Variants in RBL2 observed in about 807,000 individuals in gnomAD.
RBL2 encodes RB transcriptional corepressor like 2, also known as retinoblastoma-like protein 2.
A neutral mutation model predicts 126.0 loss-of-function variants in RBL2; 56 were observed. The observed-to-expected ratio is 0.44, with a 90% CI of 0.36 to 0.56. The LOEUF (loss-of-function observed/expected upper bound fraction) is 0.56. Ranked by LOEUF, RBL2 falls within the 20% of genes least tolerant of loss-of-function variation. The pLI, the probability that RBL2 is intolerant of heterozygous loss-of-function variation, is 0.00. For missense variants in RBL2, 1,229 were observed against 1,398.2 expected, an observed-to-expected ratio of 0.88 and a Z score of 1.93; for synonymous variants, 454 against 478.5, an observed-to-expected ratio of 0.95 and a Z score of 0.67.
chr16:53,481,031 C>T, intron 20 of RBL2: 6 of 296,916 alleles, frequency 2.0e-5, no homozygotes, highest in Non-Finnish European at 3.8e-5. Context: ...TGGTGGCACA[C>T]ACTTGTAATC....
intron 21 of RBL2, among the ~76,000 whole-genome samples, chr16:53,482,404 A>G (rs1271429165): frequency 6.6e-6 from 1 of 152,200 alleles, no homozygotes; most frequent in African/African-American, 2.4e-5. Flanking sequence ...GGGGAAGAAA[A>G]CAGTGTCCTT....
At chr16:53,452,113 A>G (rs2058121545) in intron 5 of RBL2, among the ~76,000 whole-genome samples, 1 of 152,232 alleles carries the variant, frequency 6.6e-6, no homozygotes, top group Admixed American at 6.5e-5. Context: ...CGAAGATGAC[A>G]TTAAAGCCGA....
chr16:53,483,927 A>T (rs368549371), intron 21 of RBL2, among the ~76,000 whole-genome samples: 4 of 14,764 alleles, frequency 2.7e-4, no homozygotes, highest in African/African-American at 6.7e-4. Flanking sequence ...CTATCATAGT[A>T]AAAAAAAAAA....
At chr16:53,451,867 C>T (rs751787000) in intron 5 of RBL2, 36 bp downstream of exon 5, 19 of 1,606,740 alleles carry the variant, frequency 1.2e-5, no homozygotes, top group African/African-American at 2.7e-5. Flanking sequence ...GGGCAATCTG[C>T]GTTTCTGTGT....
At chr16:53,473,148 T>C (rs1422041315) in intron 17 of RBL2, among the ~76,000 whole-genome samples, 1 of 151,746 alleles carries the variant, frequency 6.6e-6, no homozygotes, top group Non-Finnish European at 1.5e-5. Flanking sequence ...GTGCTCCTAC[T>C]TTTTTTTTCT....
chr16:53,453,211 C>T (rs1010484972), intron 5 of RBL2, among the ~76,000 whole-genome samples: 18 of 152,130 alleles, frequency 1.2e-4, no homozygotes, highest in African/African-American at 3.4e-4. Context: ...TTTTAAGTTT[C>T]CCTTAACCAT....
chr16:53,470,848 A>C lies in RBL2; in HGVS notation c.2629A>C (p.Ile877Leu), dbSNP rs1473780946. The C allele has an allele frequency of 8.1e-6, 13 of 1,614,028 alleles. No homozygotes were observed. The highest frequency in any genetic ancestry group is 1.0e-5 in the Non-Finnish European group (12 of 1,180,016). The change falls in exon 17 of 22, where the codon ATT becomes CTT. Residue 877 changes from isoleucine (I) to leucine (L), a missense_variant. Around this residue, in one of 2 missense-constraint regions of RBL2, gnomAD observed 1,070 missense variants for 1,274.3 expected, o/e 0.84. Coordinates refer to ENST00000262133, the MANE Select transcript of RBL2 (RefSeq NM_005611.4). ...KIWTCFEFSI[I>L]QCPELMMDRH... ...CTGGACCTGCTTTGAATTCTCCATAATTCAGTGTCCTGAACTTATGATGGA... is the reference window on the plus strand; with the variant it reads ...CTGGACCTGCTTTGAATTCTCCATACTTCAGTGTCCTGAACTTATGATGGA...
In RBL2 at chr16:53,447,141, T is replaced by C. The variant is rs964827383; in HGVS notation, c.637+35T>C. ...TAGTAATATTTATTTAGATTTAATATGTCTATTTACATTTTCAGGTATTAA... is the reference window on the plus strand; with the variant it reads ...TAGTAATATTTATTTAGATTTAATACGTCTATTTACATTTTCAGGTATTAA... On this transcript the variant is annotated intron_variant, in intron 4 of 21. Coordinates refer to ENST00000262133, the MANE Select transcript of RBL2 (RefSeq NM_005611.4). 4 of 1,131,770 alleles carry C rather than the reference T, an allele frequency of 3.5e-6. 1 individual carries two copies. Among genetic ancestry groups the C allele is most frequent in the Middle Eastern group, 5.5e-4 (2 of 3,614 alleles). The allele number at this position is 1,131,770 out of a possible 1,614,324, so 70.1% of individuals were successfully genotyped here.
intron 2 of RBL2, among the ~76,000 whole-genome samples, chr16:53,441,809 C>T (rs1435037790): frequency 6.6e-6 from 1 of 151,812 alleles, no homozygotes; most frequent in Non-Finnish European, 1.5e-5. Flanking sequence ...GTAATTTTGA[C>T]TGTTTCTTTT....
Position 53,484,443 on chromosome 16 carries a change from T to C in RBL2, c.3249+2608T>C, listed in dbSNP as rs185182190. On this transcript the variant is annotated intron_variant, in intron 21 of 21. Coordinates refer to ENST00000262133, the MANE Select transcript of RBL2 (RefSeq NM_005611.4). ...AAAAGCAGGACCAAACTATATGTTG[T>C]TTGTAAGTTATATACTTTAAATATA... Among the ~76,000 whole-genome samples the C allele has an allele frequency of 3.3e-5, 5 of 152,334 alleles. No individual in the cohort carries two copies. The East Asian group carries it at 9.6e-4, about 29-fold the overall frequency.
intron 21 of RBL2, among the ~76,000 whole-genome samples, chr16:53,484,381 G>A (rs1390440789): frequency 6.6e-6 from 1 of 152,166 alleles, no homozygotes; most frequent in African/African-American, 2.4e-5. Context: ...TGGTCTAAAT[G>A]TACCAATTAA....
At chr16:53,459,378 A>T in intron 8 of RBL2, 73 bp from the exon 9 acceptor site, 1 of 1,277,068 alleles carries the variant, frequency 7.8e-7, no homozygotes, top group Non-Finnish European at 1.1e-6. Context: ...GAAGTGAATT[A>T]AAGTCTTTCT....
chr16:53,469,440 G>A (rs1372456988), intron 14 of RBL2, among the ~76,000 whole-genome samples: 2 of 152,156 alleles, frequency 1.3e-5, no homozygotes, highest in Non-Finnish European at 1.5e-5. Flanking sequence ...GATAAAACCG[G>A]TGGCGGAATG....
In RBL2 at chr16:53,471,324, T is replaced by G. The variant is rs539820649; in HGVS notation, c.2703+402T>G. Among the ~76,000 whole-genome samples the G allele has an allele frequency of 7.8e-4, 119 of 152,314 alleles. 1 individual carries two copies. The South Asian group carries it at 0.023, about 30-fold the overall frequency. ...TTAACTATTTAGGGAATTGCTAGAT[T>G]GTTTTCCAAAGTACTGTACCATTTT... On this transcript the variant is annotated intron_variant, in intron 17 of 21. Coordinates refer to ENST00000262133, the MANE Select transcript of RBL2 (RefSeq NM_005611.4).
chr16:53,481,796 A>G lies in RBL2; in HGVS notation c.3210A>G (p.Arg1070=). The G allele has an allele frequency of 5.6e-6, 9 of 1,593,988 alleles. No individual in the cohort carries two copies. Among genetic ancestry groups the G allele is most frequent in the Non-Finnish European group, 7.7e-6 (9 of 1,161,748 alleles). Residue 1070 remains arginine, a synonymous_variant, in exon 21 of 22, where the codon CGA becomes CGG. Transcript: ENST00000262133. ...PHKNETMLSP[R]EKIFYYFSNS... ...AAAATGAAACAATGCTTTCTCCTCG[A>G]GAAAAGATTTTCTATTACTTCAGCA...
chr16:53,435,727 A>T (rs2057952524), intron 1 of RBL2: 5 of 1,288,868 alleles, frequency 3.9e-6, no homozygotes, highest in Non-Finnish European at 5.1e-6. Context: ...TAGGTCCAGG[A>T]TGCAAAGCCT....
intron 17 of RBL2, among the ~76,000 whole-genome samples, chr16:53,477,057 TTG>T (rs36075761): frequency 0.43 from 64,310 of 150,920 alleles, 14,237 homozygotes; most frequent in East Asian, 0.79. Flanking sequence ...TGGTTTCATT[TTG>T]TGTGTGTGTG....
At chr16:53,451,225 G>T (rs935433382) in intron 4 of RBL2, among the ~76,000 whole-genome samples, 1 of 152,074 alleles carries the variant, frequency 6.6e-6, no homozygotes, top group Admixed American at 6.5e-5. Flanking sequence ...TTTATTAAAG[G>T]CCAGGCATGG....
In RBL2 at chr16:53,446,618, G is replaced by A. The variant is rs144589302; in HGVS notation, c.573-424G>A. On this transcript the variant is annotated intron_variant, in intron 3 of 21. Coordinates refer to ENST00000262133, the MANE Select transcript of RBL2 (RefSeq NM_005611.4). ...ACATTAAAAAGGCCTTTTGTGATTTGATATAGTCTGGAATATCTTTAAGGA... is the reference window on the plus strand; with the variant it reads ...ACATTAAAAAGGCCTTTTGTGATTTAATATAGTCTGGAATATCTTTAAGGA... Among the ~76,000 whole-genome samples the A allele has an allele frequency of 6.3e-3, 965 of 152,224 alleles. 11 individuals are homozygous for A. Among genetic ancestry groups the A allele is most frequent in the African/African-American group, 0.022 (924 of 41,538 alleles).
Sources: allele counts gnomAD v4.1 joint callset (sites outside exome capture counted in the v4.1 genomes callset), GRCh38; gene constraint gnomAD v4.1.1; regional missense constraint gnomAD v4.1.1; transcripts MANE v1.5; gene names NCBI Gene and HGNC (gene_info 2026-07-23, HGNC 2026-07-21).